The following CLASP1 variants were observed in gnomAD, a reference collection of about 807,000 sequenced individuals.
CLASP1 encodes CLIP-associating protein 1.
CLASP1 carries 38 observed loss-of-function variants against 192.3 expected under a neutral mutation model. The ratio of observed to expected loss-of-function variants is 0.20; its 90% confidence interval spans 0.15 to 0.26. The LOEUF is 0.26. CLASP1 is among the 10% of genes least tolerant of loss of function. The pLI is 1.00. For missense variants in CLASP1, 1,433 were observed against 1,932.5 expected (o/e 0.74, Z 4.85); for synonymous variants, 691 against 712.8 (o/e 0.97, Z 0.49).
intron 2 of CLASP1, among the ~76,000 whole-genome samples, chr2:121,581,399 C>T (rs906821443): frequency 3.9e-4 from 59 of 150,798 alleles, no homozygotes; most frequent in African/African-American, 1.2e-3. Flanking sequence ...CTCAGCCTCC[C>T]GAGTAGCTGG....
At chr2:121,475,967 C>T (rs1209582328) in intron 8 of CLASP1, among the ~76,000 whole-genome samples, 1 of 152,158 alleles carries the variant, frequency 6.6e-6, no homozygotes, top group Non-Finnish European at 1.5e-5. Flanking sequence ...CCTTCTACAG[C>T]ATCAGGATAA....
Position 121,577,965 on chromosome 2 carries a change from C to T in CLASP1, c.195+27736G>A, listed in dbSNP as rs538534400. Among the ~76,000 whole-genome samples the T allele has an allele frequency of 5.9e-5, 9 of 152,112 alleles. No individual in the cohort carries two copies. The South Asian group carries it at 1.9e-3, about 31-fold the overall frequency. On this transcript the variant is annotated intron_variant, in intron 2 of 39. Coordinates refer to ENST00000263710, the Ensembl canonical transcript of CLASP1. ...ATTGACTGATTGAGAAAGAGTCTCA[C>T]TCTGTCACCCAGGCTAGAGGGCAGT...
At chr2:121,437,182 T>C (rs966507627) in intron 19 of CLASP1, among the ~76,000 whole-genome samples, 1 of 151,988 alleles carries the variant, frequency 6.6e-6, no homozygotes, top group African/African-American at 2.4e-5. Context: ...TTGCCCAGGC[T>C]TAACTCCTGG....
chr2:121,411,093 A>C, intron 23 of CLASP1, 124 bp from the exon 25 acceptor site: 1 of 610,624 alleles, frequency 1.6e-6, no homozygotes, highest in Non-Finnish European at 2.8e-6. Context: ...GCCAATTTTA[A>C]CTACACTTGA....
chr2:121,438,929 GGTA>G (rs1289540136), intron 19 of CLASP1, among the ~76,000 whole-genome samples: 2 of 150,898 alleles, frequency 1.3e-5, no homozygotes, highest in Non-Finnish European at 3.0e-5. Flanking sequence ...TTGTACCTCT[GGTA>G]GAATTCGGCT....
intron 3 of CLASP1, among the ~76,000 whole-genome samples, chr2:121,530,018 G>A (rs1016172573): frequency 6.6e-6 from 1 of 152,168 alleles, no homozygotes; most frequent in African/African-American, 2.4e-5. Flanking sequence ...CCAGAGGCCA[G>A]GGGAGTCCAG....
At chr2:121,585,575 T>C (rs190791841) in intron 2 of CLASP1, among the ~76,000 whole-genome samples, 1 of 152,252 alleles carries the variant, frequency 6.6e-6, no homozygotes, top group East Asian at 1.9e-4. Context: ...CAATTTTCCT[T>C]ATAGAAAGCA....
chr2:121,447,607 C>G (rs2084606356), intron 18 of CLASP1, 100 bp from the exon 19 acceptor site: 1 of 980,878 alleles, frequency 1.0e-6, no homozygotes, highest in Non-Finnish European at 1.5e-6. Context: ...AAACAAATAC[C>G]AAGTTTTAAC....
intron 2 of CLASP1, among the ~76,000 whole-genome samples, chr2:121,549,381 G>A (rs527752046): frequency 2.0e-5 from 3 of 152,050 alleles, no homozygotes; most frequent in Admixed American, 6.6e-5. Context: ...TCAACAAGAC[G>A]ACCTAACTAT....
chr2:121,420,520 T>C (rs1387352107), intron 22 of CLASP1, among the ~76,000 whole-genome samples: 1 of 152,142 alleles, frequency 6.6e-6, no homozygotes, highest in East Asian at 1.9e-4. Flanking sequence ...CTTGGCCTCT[T>C]TGGGTCTCAA....
chr2:121,342,952 A>G (rs891328263), intron 39 of CLASP1, among the ~76,000 whole-genome samples: 1 of 152,158 alleles, frequency 6.6e-6, no homozygotes, highest in Non-Finnish European at 1.5e-5. Flanking sequence ...GCATGCACAG[A>G]CATGGTCTTG....
intron 24 of CLASP1, 89 bp downstream of exon 25, chr2:121,410,777 C>A (rs1438155071): frequency 2.9e-6 from 2 of 690,946 alleles, no homozygotes; most frequent in African/African-American, 1.8e-5. Context: ...AATTCATAAC[C>A]TGATTTGGGG....
At chr2:121,393,420 T>C (rs938073147) in intron 30 of CLASP1, among the ~76,000 whole-genome samples, 8 of 152,232 alleles carry the variant, frequency 5.3e-5, no homozygotes, top group African/African-American at 1.7e-4. Flanking sequence ...CAGACATGTA[T>C]TTTATGTTTA....
At chr2:121,425,104 G>A in intron 22 of CLASP1, 35 bp downstream of exon 22, 2 of 1,563,530 alleles carry the variant, frequency 1.3e-6, no homozygotes, top group African/African-American at 2.7e-5. Flanking sequence ...TGACCAAGCT[G>A]GGAATGGTAT....
intron 1 of CLASP1, among the ~76,000 whole-genome samples, chr2:121,606,797 C>T (rs758104484): frequency 1.1e-4 from 16 of 152,202 alleles, no homozygotes; most frequent in Non-Finnish European, 1.6e-4. Flanking sequence ...GTGGCTCACG[C>T]CTGTAATCCC....
In CLASP1 at chr2:121,496,720, G is replaced by A. The variant is rs188001478; in HGVS notation, c.712+6447C>T. Among the ~76,000 whole-genome samples the A allele has an allele frequency of 1.8e-3, 274 of 152,264 alleles. 1 individual carries two copies. Among genetic ancestry groups the A allele is most frequent in the African/African-American group, 6.3e-3 (261 of 41,564 alleles). ...GGGTTACAGTCCAATGCCGAGATAG[G>A]TATTAGTCAGATAATCGCCAAATGT... On this transcript the variant is annotated intron_variant, in intron 8 of 39. Coordinates refer to ENST00000263710, the Ensembl canonical transcript of CLASP1.
intron 9 of CLASP1, among the ~76,000 whole-genome samples, chr2:121,465,608 T>C (rs1377340427): frequency 3.9e-5 from 6 of 152,002 alleles, no homozygotes; most frequent in South Asian, 2.1e-4. Context: ...AGGTAATTTA[T>C]AGATTCAATG....
At chr2:121,505,202 T>C (rs563325655) in intron 7 of CLASP1, 6 of 152,314 alleles carry the variant, frequency 3.9e-5, no homozygotes, top group African/African-American at 9.6e-5. Flanking sequence ...CTGAAATTAC[T>C]GGAAGAAGGC....
chr2:121,622,851 C>T (rs756882401), intron 1 of CLASP1, among the ~76,000 whole-genome samples: 4 of 152,066 alleles, frequency 2.6e-5, no homozygotes, highest in Admixed American at 6.6e-5. Flanking sequence ...CCAATATGAA[C>T]GCCTTTTCTT....
Sources: gnomAD v4.1 joint callset for allele counts (sites outside exome capture counted in the v4.1 genomes callset) on GRCh38, gnomAD v4.1.1 for gene constraint, MANE v1.5 for transcripts, NCBI Gene and HGNC (gene_info 2026-07-23, HGNC 2026-07-21) for gene names.